Variants in PLCL1 observed in about 807,000 individuals in gnomAD.
PLCL1 encodes inactive phospholipase C-like protein 1.
PLCL1 carries 41 observed loss-of-function variants against 84.4 expected under a neutral mutation model. The ratio of observed to expected loss-of-function variants is 0.49; its 90% confidence interval spans 0.38 to 0.63. The LOEUF (loss-of-function observed/expected upper bound fraction) is 0.63, where lower values mean the gene tolerates loss of function less well. Among genes scored for constraint, PLCL1 ranks in the 30% least tolerant of loss-of-function variants. The pLI, the probability that PLCL1 is intolerant of heterozygous loss-of-function variation, is 0.00. For synonymous variants in PLCL1, 490 were observed against 488.3 expected (o/e 1.00, Z -0.05); for missense variants, 1,206 against 1,367.8 (o/e 0.88, Z 1.87).
chr2:197,888,811 TAA>T (rs1687965176), intron 1 of PLCL1, among the ~76,000 whole-genome samples: 5 of 152,136 alleles, frequency 3.3e-5, no homozygotes, highest in African/African-American at 1.2e-4. Context: ...GCTGATTCCA[TAA>T]TTAAGGAAGA....
chr2:198,056,614 G>A (rs575349720), intron 1 of PLCL1, among the ~76,000 whole-genome samples: 5 of 152,340 alleles, frequency 3.3e-5, no homozygotes, highest in Non-Finnish European at 5.9e-5. Flanking sequence ...AAATAGGATC[G>A]TGTGTGTAAA....
chr2:198,080,767 T>A (rs16827456), intron 1 of PLCL1, among the ~76,000 whole-genome samples: 4,611 of 152,268 alleles, frequency 0.03, 227 homozygotes, highest in African/African-American at 0.11. Flanking sequence ...TGTAATGACT[T>A]TGGATTCTGT....
intron 5 of PLCL1, among the ~76,000 whole-genome samples, chr2:198,124,688 C>G (rs1223667829): frequency 6.6e-6 from 1 of 152,050 alleles, no homozygotes; most frequent in African/African-American, 2.4e-5. Context: ...TGTGCTAACT[C>G]CTGGGATGCC....
intron 1 of PLCL1, among the ~76,000 whole-genome samples, chr2:197,924,535 T>G (rs1443686295): frequency 6.6e-6 from 1 of 152,078 alleles, no homozygotes; most frequent in Non-Finnish European, 1.5e-5. Context: ...ATCACTCTAT[T>G]TAATCTTTAC....
rs1340257577 is a variant in PLCL1 at position 198,084,557 on chromosome 2, A to G, written c.1040A>G (p.His347Arg). The change falls in exon 2 of 6, where the codon CAT (histidine) becomes CGT (arginine). Residue 347 changes from histidine (H) to arginine (R), a missense_variant. His to Arg is a conservative substitution (Grantham distance 29). Coordinates refer to ENST00000428675, the MANE Select transcript of PLCL1 (RefSeq NM_006226.4). ...LFLEAEQGVT[H>R]ITEDICLDII... ...TTAGAAGCTGAGCAAGGAGTCACCCATATCACCGAGGATATATGCTTAGAC... is the reference window on the plus strand; with the variant it reads ...TTAGAAGCTGAGCAAGGAGTCACCCGTATCACCGAGGATATATGCTTAGAC... 6.2e-6 allele frequency: 10 copies of G among 1,613,858 alleles called. No individual in the cohort carries two copies. The highest frequency in any genetic ancestry group is 6.8e-6 in the Non-Finnish European group (8 of 1,179,734).
intron 1 of PLCL1, among the ~76,000 whole-genome samples, chr2:198,081,085 A>G (rs1307382750): frequency 6.6e-6 from 1 of 152,240 alleles, no homozygotes; most frequent in Non-Finnish European, 1.5e-5. Context: ...GCAGGGCGAT[A>G]GACTGTGGAG....
At chr2:197,919,500 GTCTTCAAAACCCCC>G (rs1688665672) in intron 1 of PLCL1, among the ~76,000 whole-genome samples, 1 of 152,158 alleles carries the variant, frequency 6.6e-6, no homozygotes, top group Non-Finnish European at 1.5e-5. Context: ...ATGTTCCTGT[GTCTTCAAAACCCCC>G]ACTCATTGAC....
intron 1 of PLCL1, among the ~76,000 whole-genome samples, chr2:197,867,386 T>A (rs879273028): frequency 2.2e-3 from 211 of 96,178 alleles, no homozygotes; most frequent in Middle Eastern, 0.012. Context: ...CTGTAGGTAT[T>A]TTTTTTTTTT....
intron 5 of PLCL1, among the ~76,000 whole-genome samples, chr2:198,123,662 C>T (rs1035238108): frequency 6.6e-6 from 1 of 151,986 alleles, no homozygotes; most frequent in Non-Finnish European, 1.5e-5. Flanking sequence ...GCTTAAGCTA[C>T]AGAGCAAACC....
chr2:198,026,996 C>T (rs1271257852), intron 1 of PLCL1, among the ~76,000 whole-genome samples: 1 of 152,110 alleles, frequency 6.6e-6, no homozygotes, highest in Non-Finnish European at 1.5e-5. Context: ...ACTATATGAT[C>T]CAGCAATCCC....
intron 1 of PLCL1, among the ~76,000 whole-genome samples, chr2:197,996,055 C>A (rs923242111): frequency 6.6e-6 from 1 of 151,966 alleles, no homozygotes; most frequent in African/African-American, 2.4e-5. Context: ...CTGCATACAT[C>A]ATGTTGTGTG....
intron 1 of PLCL1, among the ~76,000 whole-genome samples, chr2:198,072,658 T>C (rs573221518): frequency 6.6e-6 from 1 of 152,088 alleles, no homozygotes; most frequent in African/African-American, 2.4e-5. Flanking sequence ...TTTTCTTCTC[T>C]TCTCAGTTTA....
At chr2:197,946,085 A>G in intron 1 of PLCL1, among the ~76,000 whole-genome samples, 1 of 152,178 alleles carries the variant, frequency 6.6e-6, no homozygotes, top group South Asian at 2.1e-4. Flanking sequence ...ACATTTCTTC[A>G]ACGTTAACAC....
intron 1 of PLCL1, among the ~76,000 whole-genome samples, chr2:197,823,394 A>G (rs2106420140): frequency 6.6e-6 from 1 of 152,108 alleles, no homozygotes; most frequent in African/African-American, 2.4e-5. Context: ...TTTTGGGAGG[A>G]TTTAAATGAG....
intron 3 of PLCL1, among the ~76,000 whole-genome samples, chr2:198,092,032 C>T (rs1310056883): frequency 4.0e-5 from 6 of 151,400 alleles, no homozygotes; most frequent in South Asian, 2.1e-4. Flanking sequence ...TTTTACCTGC[C>T]GCTCCCAACT....
chr2:197,861,569 G>A (rs1687434758), intron 1 of PLCL1, among the ~76,000 whole-genome samples: 1 of 152,198 alleles, frequency 6.6e-6, no homozygotes, highest in Non-Finnish European at 1.5e-5. Context: ...AGAAGCACAG[G>A]TAAAATAACC....
chr2:198,085,872 A>C lies in PLCL1; in HGVS notation c.2355A>C (p.Gln785His). 6.2e-7 allele frequency: 1 copy of C among 1,614,186 alleles called. No homozygotes were observed. Among genetic ancestry groups the C allele is most frequent in the Non-Finnish European group, 8.5e-7 (1 of 1,179,998 alleles). Reference protein sequence around the residue: ...NPIFDETFEFQVNLPELAMIR... With the variant: ...NPIFDETFEFHVNLPELAMIR... ...TTTTTGATGAAACTTTTGAGTTCCA[A>C]GTAAACCTACCTGAGCTGGCCATGA... Residue 785 changes from glutamine to histidine, a missense_variant, in exon 2 of 6, where the codon CAA becomes CAC. By Grantham distance (24) the Gln-to-His change is conservative. Transcript: ENST00000428675. The surrounding 1 kb of genome is among the most constrained non-coding windows in gnomAD (Gnocchi z 5.3).
intron 1 of PLCL1, among the ~76,000 whole-genome samples, chr2:197,971,039 G>A (rs1241490028): frequency 1.3e-5 from 2 of 152,160 alleles, no homozygotes; most frequent in African/African-American, 2.4e-5. Flanking sequence ...TACTTCTCCT[G>A]ATGAAATTTT....
intron 1 of PLCL1, among the ~76,000 whole-genome samples, chr2:197,879,567 T>C (rs1687792325): frequency 6.6e-6 from 1 of 152,186 alleles, no homozygotes; most frequent in Non-Finnish European, 1.5e-5. Flanking sequence ...TAGGATGTTA[T>C]GATTTCTTTA....
Sources: gnomAD v4.1 joint callset for allele counts (sites outside exome capture counted in the v4.1 genomes callset) on GRCh38, gnomAD v4.1.1 for gene constraint, Gnocchi (gnomAD v3.1) non-coding constraint, MANE v1.5 for transcripts, NCBI Gene and HGNC (gene_info 2026-07-23, HGNC 2026-07-21) for gene names.